Variants in FRMD5 observed in about 807,000 individuals in gnomAD.
FRMD5 encodes the protein FERM domain containing 5.
FRMD5 carries 20 observed loss-of-function variants against 69.0 expected under a neutral mutation model. The observed-to-expected ratio is 0.29, with a 90% CI of 0.20 to 0.42. The LOEUF is 0.42. Among genes scored for constraint, FRMD5 ranks in the 10% least tolerant of loss-of-function variants. The pLI is 1.00. For missense variants in FRMD5, 595 were observed against 708.6 expected (o/e 0.84, Z 1.82); for synonymous variants, 271 against 260.1 (o/e 1.04, Z -0.40).
At chr15:43,932,300 C>T (rs1366181290) in intron 1 of FRMD5, among the ~76,000 whole-genome samples, 2 of 152,188 alleles carry the variant, frequency 1.3e-5, no homozygotes, top group African/African-American at 4.8e-5. Flanking sequence ...CTTGTAGTGT[C>T]CCCAAGATCT....
intron 1 of FRMD5, among the ~76,000 whole-genome samples, chr15:44,132,609 C>T (rs964879687): frequency 4.0e-5 from 6 of 151,802 alleles, no homozygotes; most frequent in Non-Finnish European, 5.9e-5. Flanking sequence ...TTCTATTTTT[C>T]GTAGAGACAG....
intron 1 of FRMD5, among the ~76,000 whole-genome samples, chr15:44,104,417 T>C (rs79188875): frequency 6.6e-6 from 1 of 152,202 alleles, no homozygotes; most frequent in African/African-American, 2.4e-5. Context: ...ATTAAATCCA[T>C]AGTAGTGTAC....
intron 1 of FRMD5, chr15:43,990,154 C>T (rs932101405): frequency 2.4e-5 from 14 of 579,046 alleles, no homozygotes; most frequent in Middle Eastern, 4.5e-4. Context: ...GAGCCATTGT[C>T]GACGACAAGC....
intron 1 of FRMD5, among the ~76,000 whole-genome samples, chr15:43,938,915 G>A (rs2089811436): frequency 6.6e-6 from 1 of 152,070 alleles, no homozygotes. Flanking sequence ...AGGCTGGAGT[G>A]CAGTGGCACG....
intron 1 of FRMD5, among the ~76,000 whole-genome samples, chr15:44,075,044 C>G (rs1046043165): frequency 6.6e-6 from 1 of 152,214 alleles, no homozygotes; most frequent in Admixed American, 6.5e-5. Flanking sequence ...CAGGCCAGCT[C>G]TTAGCACAAG....
chr15:44,120,796 G>T (rs2076938967), intron 1 of FRMD5, among the ~76,000 whole-genome samples: 1 of 151,842 alleles, frequency 6.6e-6, no homozygotes, highest in African/African-American at 2.4e-5. Context: ...CCAAAGTGCT[G>T]GGACTACAGG....
intron 1 of FRMD5, among the ~76,000 whole-genome samples, chr15:43,926,897 A>G (rs751864704): frequency 2.9e-4 from 42 of 146,884 alleles, no homozygotes; most frequent in Admixed American, 5.5e-4. Flanking sequence ...CCTCACTATA[A>G]ACTCGTTAAC....
chr15:44,191,091 C>T (rs2140611603), intron 1 of FRMD5, among the ~76,000 whole-genome samples: 1 of 152,270 alleles, frequency 6.6e-6, no homozygotes, highest in East Asian at 1.9e-4. Flanking sequence ...CACAATTTAA[C>T]CTGGCTGCTT....
intron 1 of FRMD5, among the ~76,000 whole-genome samples, chr15:44,128,765 G>T (rs918736414): frequency 6.6e-6 from 1 of 151,844 alleles, no homozygotes; most frequent in Non-Finnish European, 1.5e-5. Context: ...AAGATGATAG[G>T]AATCAGAAGG....
chr15:43,936,441 T>G (rs1485295439), intron 1 of FRMD5, among the ~76,000 whole-genome samples: 1 of 152,222 alleles, frequency 6.6e-6, no homozygotes, highest in East Asian at 1.9e-4. Context: ...TCCTTCTGCC[T>G]TGGCCTCCCA....
chr15:44,089,363 T>A, intron 1 of FRMD5, among the ~76,000 whole-genome samples: 1 of 152,164 alleles, frequency 6.6e-6, no homozygotes, highest in Non-Finnish European at 1.5e-5. Context: ...TCCTTGTCAG[T>A]ACCAGAGTTT....
chr15:44,117,991 CTTTTTT>C (rs747747488), intron 1 of FRMD5, among the ~76,000 whole-genome samples: 19 of 92,606 alleles, frequency 2.1e-4, no homozygotes, highest in Non-Finnish European at 2.5e-4. Context: ...TTCTTTTTTA[CTTTTTT>C]TTTTTTTTTT....
chr15:43,932,248 C>T (rs1261507021), intron 1 of FRMD5, among the ~76,000 whole-genome samples: 1 of 152,180 alleles, frequency 6.6e-6, no homozygotes, highest in African/African-American at 2.4e-5. Context: ...GCCTGTCCTC[C>T]CTGGACAAGA....
chr15:44,154,774 G>A (rs2077500889), intron 1 of FRMD5, among the ~76,000 whole-genome samples: 1 of 152,178 alleles, frequency 6.6e-6, no homozygotes, highest in Non-Finnish European at 1.5e-5. Flanking sequence ...CGGAAGGGCT[G>A]AAAGGGAGAG....
chr15:44,010,929 G>T (rs1414432848), intron 1 of FRMD5, among the ~76,000 whole-genome samples: 3 of 152,078 alleles, frequency 2.0e-5, no homozygotes, highest in Non-Finnish European at 4.4e-5. Context: ...ATAGCACTGG[G>T]CACGATGAGA....
At chr15:43,876,089 C>T in intron 13 of FRMD5, 4 of 1,337,528 alleles carry the variant, frequency 3.0e-6, no homozygotes, top group Non-Finnish European at 4.3e-6. Flanking sequence ...CCATGGCTTC[C>T]ATGATTTTGC....
intron 1 of FRMD5, among the ~76,000 whole-genome samples, chr15:43,985,003 G>T (rs144261436): frequency 6.6e-6 from 1 of 150,458 alleles, no homozygotes; most frequent in African/African-American, 2.4e-5. Context: ...AAACAAGGCC[G>T]GGCACGGTGG....
At chr15:44,011,928 G>C (rs959277341) in intron 1 of FRMD5, among the ~76,000 whole-genome samples, 3 of 152,126 alleles carry the variant, frequency 2.0e-5, no homozygotes, top group Admixed American at 6.6e-5. Context: ...CTTTTGGTGG[G>C]ATCAGAAATC....
At chr15:44,089,504 A>C (rs1894345351) in intron 1 of FRMD5, among the ~76,000 whole-genome samples, 1 of 151,928 alleles carries the variant, frequency 6.6e-6, no homozygotes, top group Non-Finnish European at 1.5e-5. Flanking sequence ...AGAGTTGGAG[A>C]CCAGCCTGGA....
Sources: allele counts gnomAD v4.1 joint callset (sites outside exome capture counted in the v4.1 genomes callset), GRCh38; gene constraint gnomAD v4.1.1; transcripts MANE v1.5; gene names NCBI Gene and HGNC (gene_info 2026-07-23, HGNC 2026-07-21).